Variants in CCDC141 observed in about 807,000 individuals in gnomAD.
CCDC141 encodes coiled-coil domain-containing protein 141.
Under a neutral mutation model 181.0 loss-of-function variants are expected in CCDC141, and 168 were observed. That is an observed-to-expected ratio of 0.93 (90% CI 0.82 to 1.05). The LOEUF is 1.05. Among genes scored for constraint, CCDC141 ranks in the 50% least tolerant of loss-of-function variants. The pLI is 0.00. For synonymous variants in CCDC141, 666 were observed against 642.3 expected (o/e 1.04, Z -0.56); for missense variants, 1,902 against 1,788.5 (o/e 1.06, Z -1.14).
the CCDC141 span, among the ~76,000 whole-genome samples, chr2:178,822,731 G>A: frequency 3.9e-5 from 6 of 152,208 alleles, no homozygotes; most frequent in South Asian, 4.1e-4. Context: ...ATGGAGGGCC[G>A]TTTATCTCAT....
chr2:178,850,008 T>A, intron 21 of CCDC141, 41 bp downstream of exon 21: 1 of 1,095,566 alleles, frequency 9.1e-7, no homozygotes, highest in Non-Finnish European at 1.4e-6. Flanking sequence ...CATTTTTATT[T>A]ATTTTGCTTG....
At chr2:178,896,340 C>G (rs1483184027) in intron 8 of CCDC141, among the ~76,000 whole-genome samples, 1 of 152,136 alleles carries the variant, frequency 6.6e-6, no homozygotes, top group African/African-American at 2.4e-5. Context: ...CTCATGGGCC[C>G]CTCGTGCCTG....
At chr2:178,905,681 C>A (rs1316343299) in intron 7 of CCDC141, among the ~76,000 whole-genome samples, 180 bp from the exon 8 acceptor site, 1 of 152,154 alleles carries the variant, frequency 6.6e-6, no homozygotes, top group Admixed American at 6.5e-5. Flanking sequence ...TTTAGGGTTC[C>A]ATTTAGGAAA....
At chr2:178,941,958 C>CAAAAA (rs66903231) in intron 6 of CCDC141, among the ~76,000 whole-genome samples, 22 of 71,484 alleles carry the variant, frequency 3.1e-4, no homozygotes, top group African/African-American at 1.0e-3. Flanking sequence ...GATCCCATCT[C>CAAAAA]AAAAAAAAAA....
chr2:179,030,264 C>G (rs986650695), intron 2 of CCDC141, among the ~76,000 whole-genome samples: 12 of 152,002 alleles, frequency 7.9e-5, no homozygotes, highest in Non-Finnish European at 1.2e-4. Context: ...AAAGCAAATT[C>G]TTGCTTTGTA....
chr2:178,978,683 C>T lies in CCDC141; in HGVS notation c.226-8G>A. On this transcript the variant is annotated splice_region_variant and splice_polypyrimidine_tract_variant and intron_variant, in intron 2 of 23. Coordinates refer to ENST00000443758, the MANE Select transcript of CCDC141 (RefSeq NM_173648.4). ...TACCCGATCTTCCAAAGCCTAAGTACAAAAGAAAAAGGCATAAGGCAGGGT... is the reference window on the plus strand; with the variant it reads ...TACCCGATCTTCCAAAGCCTAAGTATAAAAGAAAAAGGCATAAGGCAGGGT... The T allele has an allele frequency of 6.6e-7, 1 of 1,512,042 alleles. No homozygotes were observed. The highest frequency in any genetic ancestry group is 8.9e-7 in the Non-Finnish European group (1 of 1,129,626). 93.7% of individuals were successfully genotyped at this position (1,512,042 alleles called of 1,614,324 possible). A position where few individuals can be genotyped will look rare whatever the true frequency, so the allele number is the denominator to read the frequency against.
intron 2 of CCDC141, among the ~76,000 whole-genome samples, chr2:179,010,393 T>G (rs933674889): frequency 1.2e-4 from 19 of 152,160 alleles, no homozygotes; most frequent in African/African-American, 4.6e-4. Context: ...TTAAGAGCTG[T>G]GAGACAAAAT....
At chr2:178,849,478 G>C (rs62175456) in intron 21 of CCDC141, among the ~76,000 whole-genome samples, 3 of 152,094 alleles carry the variant, frequency 2.0e-5, no homozygotes, top group Non-Finnish European at 4.4e-5. Flanking sequence ...AATCAAACCA[G>C]TTTTTGACAT....
chr2:178,985,648 C>T (rs1398164759), intron 2 of CCDC141, among the ~76,000 whole-genome samples: 1 of 151,920 alleles, frequency 6.6e-6, no homozygotes, highest in African/African-American at 2.4e-5. Flanking sequence ...ACCACCGATC[C>T]CACAGAAATA....
chr2:179,026,289 G>A (rs568018191), intron 2 of CCDC141, among the ~76,000 whole-genome samples: 1 of 152,292 alleles, frequency 6.6e-6, no homozygotes, highest in East Asian at 1.9e-4. Context: ...GGGTTCCTGT[G>A]CTGTGCATAG....
chr2:178,989,519 A>G (rs1171888578), intron 2 of CCDC141, among the ~76,000 whole-genome samples: 3 of 151,596 alleles, frequency 2.0e-5, no homozygotes, highest in Admixed American at 2.0e-4. Flanking sequence ...GCTTGAGCCC[A>G]GGAGGCAGAG....
chr2:178,916,009 C>T (rs1249402036), intron 7 of CCDC141, among the ~76,000 whole-genome samples: 5 of 152,074 alleles, frequency 3.3e-5, no homozygotes. Context: ...AATCAATCAC[C>T]TCTGAGCCAG....
intron 2 of CCDC141, among the ~76,000 whole-genome samples, chr2:179,022,177 T>A (rs1285195940): frequency 6.6e-6 from 1 of 152,174 alleles, no homozygotes; most frequent in African/African-American, 2.4e-5. Flanking sequence ...TTTGTTTGGA[T>A]TTCACTACCT....
intron 4 of CCDC141, among the ~76,000 whole-genome samples, chr2:178,974,426 A>G (rs2154380315): frequency 6.6e-6 from 1 of 152,306 alleles, no homozygotes; most frequent in East Asian, 1.9e-4. Flanking sequence ...CTTTTCCACA[A>G]ATGCGTTTCC....
At chr2:178,844,462 C>T (rs970713276) in intron 22 of CCDC141, among the ~76,000 whole-genome samples, 3 of 152,084 alleles carry the variant, frequency 2.0e-5, no homozygotes, top group Non-Finnish European at 2.9e-5. Context: ...CTGATTTAGA[C>T]CAATCAGAGT....
intron 2 of CCDC141, among the ~76,000 whole-genome samples, chr2:179,013,338 T>A (rs1381380816): frequency 6.6e-6 from 1 of 151,870 alleles, no homozygotes; most frequent in Non-Finnish European, 1.5e-5. Flanking sequence ...AAGCGGAGAA[T>A]CAAATCAAGA....
intron 5 of CCDC141, among the ~76,000 whole-genome samples, chr2:178,953,288 T>G (rs886811196): frequency 1.9e-4 from 29 of 152,020 alleles, no homozygotes; most frequent in Non-Finnish European, 7.4e-5. Flanking sequence ...TACAAAACAA[T>G]TAGCCGGGTG....
intron 2 of CCDC141, among the ~76,000 whole-genome samples, chr2:179,016,916 C>T: frequency 6.6e-6 from 1 of 151,886 alleles, no homozygotes; most frequent in South Asian, 2.1e-4. Flanking sequence ...GTGAATTGGT[C>T]CCCAGGCAAA....
intron 6 of CCDC141, among the ~76,000 whole-genome samples, chr2:178,930,441 A>C (rs1231726144): frequency 6.6e-6 from 1 of 152,142 alleles, no homozygotes; most frequent in African/African-American, 2.4e-5. Flanking sequence ...TTTTTTGAAG[A>C]AATGGAAATG....
Sources: gnomAD v4.1 joint callset for allele counts (sites outside exome capture counted in the v4.1 genomes callset) on GRCh38, gnomAD v4.1.1 for gene constraint, MANE v1.5 for transcripts, NCBI Gene and HGNC (gene_info 2026-07-23, HGNC 2026-07-21) for gene names.